NTM: variants seen among roughly 807,000 people sequenced by gnomAD.
NTM encodes the protein IgLON family member 2.
A neutral mutation model predicts 42.1 loss-of-function variants in NTM; 13 were observed. The observed-to-expected ratio is 0.31, with a 90% confidence interval of 0.20 to 0.49. The LOEUF is 0.49. Ranked by LOEUF, NTM falls within the 20% of genes least tolerant of loss-of-function variation. The pLI is 0.99. For missense variants in NTM, 373 were observed against 452.8 expected (o/e 0.82, Z 1.60); for synonymous variants, 187 against 179.2 (o/e 1.04, Z -0.35).
intron 1 of NTM, among the ~76,000 whole-genome samples, chr11:131,576,375 T>A (rs985133399): frequency 6.6e-6 from 1 of 152,298 alleles, no homozygotes; most frequent in Middle Eastern, 3.4e-3. Flanking sequence ...CTTCCTAGCA[T>A]CCTCTTTCCT....
chr11:131,373,907 C>A (rs1941575070), intron 1 of NTM, among the ~76,000 whole-genome samples: 1 of 152,238 alleles, frequency 6.6e-6, no homozygotes, highest in Non-Finnish European at 1.5e-5. Context: ...AAAGTTCACA[C>A]TCCCCTTCGC....
rs1432712979 is a variant in NTM at position 131,598,689 on chromosome 11, TTCTTTC to T, written c.82+227803_82+227808del. Among the ~76,000 whole-genome samples, 28 of 41,316 alleles carry T rather than the reference TTCTTTC, an allele frequency of 6.8e-4. 3 individuals are homozygous for T. Among genetic ancestry groups the T allele is most frequent in the African/African-American group, 2.0e-3 (27 of 13,814 alleles). The allele number at this position is 41,316 out of a possible 152,430, so 27.1% of individuals were successfully genotyped here. A position where few individuals can be genotyped will look rare whatever the true frequency, so the allele number is the denominator to read the frequency against. On this transcript the variant is annotated intron_variant, in intron 1 of 8. Transcript: ENST00000683400. ...ACTACTCTCTTCTCATTTGTTTTCT[TTCTTTC>T]TTTCTTTCTTTCTTTCTTTCTTTCT...
At chr11:131,581,494 G>A (rs1362855313) in intron 1 of NTM, among the ~76,000 whole-genome samples, 1 of 152,186 alleles carries the variant, frequency 6.6e-6, no homozygotes, top group Non-Finnish European at 1.5e-5. Flanking sequence ...TGAGCTGAGG[G>A]TGTTGGCTTT....
intron 1 of NTM, among the ~76,000 whole-genome samples, chr11:131,581,629 AT>A (rs2058421113): frequency 6.6e-6 from 1 of 152,160 alleles, no homozygotes; most frequent in Non-Finnish European, 1.5e-5. Flanking sequence ...GCTGACCAGA[AT>A]TGCCTGCTTT....
intron 1 of NTM, among the ~76,000 whole-genome samples, chr11:131,609,012 A>G (rs1442189255): frequency 1.3e-5 from 2 of 152,226 alleles, no homozygotes; most frequent in Non-Finnish European, 2.9e-5. Flanking sequence ...AGGGGAGCTC[A>G]TTTATGGAAA....
intron 1 of NTM, among the ~76,000 whole-genome samples, chr11:131,822,637 C>A (rs751181144): frequency 6.6e-6 from 1 of 152,024 alleles, no homozygotes; most frequent in Admixed American, 6.5e-5. Flanking sequence ...AACTCTCCAA[C>A]AAGTCGTTTT....
intron 1 of NTM, among the ~76,000 whole-genome samples, chr11:131,909,461 A>ACAACAG (rs967678281): frequency 1.3e-5 from 2 of 152,130 alleles, no homozygotes; most frequent in Non-Finnish European, 2.9e-5. Flanking sequence ...ACAGTTGTTA[A>ACAACAG]CAACAACAAC....
chr11:131,769,718 T>C (rs1329691877), intron 1 of NTM: 1 of 258,510 alleles, frequency 3.9e-6, no homozygotes, highest in Non-Finnish European at 6.0e-6. Flanking sequence ...GCACAGCCAG[T>C]GACTTGGATC....
chr11:131,606,276 G>A (rs192768597), intron 1 of NTM, among the ~76,000 whole-genome samples: 7 of 152,188 alleles, frequency 4.6e-5, no homozygotes, highest in African/African-American at 9.6e-5. Flanking sequence ...AACTGGTCCC[G>A]AACTCTTGGC....
chr11:131,605,862 C>T, intron 1 of NTM: 2 of 983,784 alleles, frequency 2.0e-6, no homozygotes, highest in Non-Finnish European at 2.4e-6. Context: ...GACTATCTCA[C>T]CTGAGGCAGC....
chr11:131,399,964 T>C (rs563104133), intron 1 of NTM, among the ~76,000 whole-genome samples: 1 of 152,308 alleles, frequency 6.6e-6, no homozygotes, highest in South Asian at 2.1e-4. Flanking sequence ...ATTGCTAGTA[T>C]GCACCTATTT....
At chr11:131,788,525 G>C (rs1177854046) in intron 1 of NTM, among the ~76,000 whole-genome samples, 1 of 151,832 alleles carries the variant, frequency 6.6e-6, no homozygotes, top group Admixed American at 6.6e-5. Context: ...TCCATTCTAC[G>C]TTATTAACAG....
intron 1 of NTM, among the ~76,000 whole-genome samples, chr11:131,811,436 G>C (rs1324506413): frequency 1.3e-5 from 2 of 152,178 alleles, no homozygotes; most frequent in Non-Finnish European, 1.5e-5. Context: ...CCAACAGGCA[G>C]GCTTGAGGAG....
intron 2 of NTM, among the ~76,000 whole-genome samples, chr11:132,071,432 C>T (rs933316054): frequency 3.3e-5 from 5 of 152,154 alleles, no homozygotes; most frequent in South Asian, 2.1e-4. Flanking sequence ...TGACCACCAC[C>T]GTGCTTGCCT....
At chr11:131,931,811 C>T (rs1020764278) in intron 2 of NTM, among the ~76,000 whole-genome samples, 2 of 151,860 alleles carry the variant, frequency 1.3e-5, no homozygotes, top group Admixed American at 1.3e-4. Context: ...GAAGTGGTGG[C>T]GGGAAGGGGC....
chr11:131,432,839 C>CCTTTTTTTTTTTTTTTT (rs1565494793), intron 1 of NTM, among the ~76,000 whole-genome samples: 2 of 68,694 alleles, frequency 2.9e-5, no homozygotes, highest in Non-Finnish European at 5.2e-5. Context: ...ATTTAGCATT[C>CCTTTTTTTTTTTTTTTT]TTTTTTTTTT....
chr11:131,401,831 T>TACAC (rs1945237447), intron 1 of NTM, among the ~76,000 whole-genome samples: 1 of 94,034 alleles, frequency 1.1e-5, no homozygotes, highest in Non-Finnish European at 2.2e-5. Context: ...TATATATATA[T>TACAC]ATATATATAT....
chr11:132,043,582 G>T (rs1022013374), intron 2 of NTM, among the ~76,000 whole-genome samples: 1 of 152,172 alleles, frequency 6.6e-6, no homozygotes, highest in African/African-American at 2.4e-5. Flanking sequence ...TGTTGATTTG[G>T]GTTCAGTTAT....
intron 1 of NTM, among the ~76,000 whole-genome samples, chr11:131,371,936 G>A (rs1941261146): frequency 1.3e-5 from 2 of 152,200 alleles, no homozygotes; most frequent in Non-Finnish European, 2.9e-5. Flanking sequence ...TCAGTCCTAT[G>A]CAGTTGTATT....
Sources: allele counts gnomAD v4.1 joint callset (sites outside exome capture counted in the v4.1 genomes callset), GRCh38; gene constraint gnomAD v4.1.1; transcripts MANE v1.5; gene names NCBI Gene and HGNC (gene_info 2026-07-23, HGNC 2026-07-21).